PDE8B: variants seen among roughly 807,000 people sequenced by gnomAD.
PDE8B encodes the protein phosphodiesterase 8B, also known as high affinity cAMP-specific and IBMX-insensitive 3',5'-cyclic phosphodiesterase 8B.
PDE8B carries 26 observed loss-of-function variants against 101.3 expected under a neutral mutation model. The observed-to-expected ratio is 0.26, with a 90% confidence interval of 0.19 to 0.36. PDE8B has a LOEUF of 0.36. PDE8B is among the 10% of genes least tolerant of loss of function. The pLI is 1.00. For missense variants in PDE8B, 810 were observed against 1,163.1 expected (o/e 0.70, Z 4.42); for synonymous variants, 424 against 429.3 (o/e 0.99, Z 0.15).
At chr5:77,266,157 A>G (rs891043305) in intron 1 of PDE8B, among the ~76,000 whole-genome samples, 7 of 152,214 alleles carry the variant, frequency 4.6e-5, no homozygotes, top group African/African-American at 1.7e-4. Context: ...CTACTTGCTA[A>G]TGTTTGTTTA....
At chr5:77,346,016 A>C (rs1234080981) in intron 7 of PDE8B, among the ~76,000 whole-genome samples, 1 of 152,236 alleles carries the variant, frequency 6.6e-6, no homozygotes, top group African/African-American at 2.4e-5. Context: ...AAGGGTAGGC[A>C]AGAGACATCA....
chr5:77,140,907 C>CATGTACGTATATATACACATACAT, the PDE8B span: 2 of 152,082 alleles, frequency 1.3e-5, no homozygotes, highest in Non-Finnish European at 2.9e-5. Flanking sequence ...TATACATACA[C>CATGTACGTATATATACACATACAT]ATGTACGTAT....
At chr5:77,371,202 C>A (rs1785032343) in intron 10 of PDE8B, among the ~76,000 whole-genome samples, 1 of 152,150 alleles carries the variant, frequency 6.6e-6, no homozygotes, top group African/African-American at 2.4e-5. Context: ...TACCTACCCT[C>A]AAGTCAGGAA....
At chr5:77,308,362 C>G (rs1440633970) in intron 1 of PDE8B, among the ~76,000 whole-genome samples, 1 of 152,164 alleles carries the variant, frequency 6.6e-6, no homozygotes, top group Non-Finnish European at 1.5e-5. Flanking sequence ...GGTAGAGTGA[C>G]AACACGTGGG....
Position 77,210,935 on chromosome 5 carries a change from G to A in PDE8B, c.10G>A (p.Ala4Thr), listed in dbSNP as rs747059922. Residue 4 changes from alanine (A) to threonine (T), a missense_variant, in exon 1 of 22, where the codon GCC (alanine) becomes ACC (threonine). Around this residue, in one of 4 missense-constraint regions of PDE8B, gnomAD observed 159 missense variants for 146.6 expected, o/e 1.08. Transcript: ENST00000264917. This position sits in a 1 kb window ranked among gnomAD's most constrained non-coding sequence, Gnocchi z 4.9. ...GGAGCCCGGCCGAGGGATGGGCTGC[G>A]CCCCCAGCATCCATGTCTCGCAGAG... is the stretch of plus-strand genomic sequence containing the variant. Reference protein sequence around the residue: MGCAPSIHVSQSGV... With the variant: MGCTPSIHVSQSGV... 6.1e-6 allele frequency: 9 copies of A among 1,486,436 alleles called. No individual in the cohort carries two copies. The highest frequency in any genetic ancestry group is 2.1e-5 in the Admixed American group (1 of 46,690). The allele number at this position is 1,486,436 out of a possible 1,614,324, so 92.1% of individuals were successfully genotyped here.
chr5:77,202,615 G>T, the PDE8B span, among the ~76,000 whole-genome samples: 2 of 151,776 alleles, frequency 1.3e-5, no homozygotes, highest in East Asian at 3.9e-4. Context: ...AAGGCTTCTG[G>T]TCAATAGTAG....
intron 12 of PDE8B, among the ~76,000 whole-genome samples, chr5:77,407,159 G>C (rs1793637908): frequency 6.6e-6 from 1 of 152,100 alleles, no homozygotes; most frequent in South Asian, 2.1e-4. Context: ...GGCTCAGCAA[G>C]CCCTCCTGCC....
intron 5 of PDE8B, among the ~76,000 whole-genome samples, chr5:77,335,184 A>G (rs934805284): frequency 1.3e-5 from 2 of 152,218 alleles, no homozygotes; most frequent in African/African-American, 4.8e-5. Flanking sequence ...CAGTGTCGTG[A>G]TATACATACA....
chr5:77,149,658 T>C, the PDE8B span, among the ~76,000 whole-genome samples: 1 of 152,228 alleles, frequency 6.6e-6, no homozygotes, highest in Non-Finnish European at 1.5e-5. Context: ...GGGCTTGACA[T>C]TGCTGATATA....
the PDE8B span, chr5:77,145,706 C>T: frequency 1.3e-5 from 2 of 152,070 alleles, no homozygotes; most frequent in African/African-American, 2.4e-5. Context: ...TACTGGAGAC[C>T]CACAAAGTAT....
chr5:77,116,079 A>G, the PDE8B span, among the ~76,000 whole-genome samples: 3 of 151,978 alleles, frequency 2.0e-5, no homozygotes, highest in African/African-American at 7.2e-5. Context: ...AGATACAGCA[A>G]TGACGAACTT....
At chr5:77,273,249 G>GT (rs1763147408) in intron 1 of PDE8B, among the ~76,000 whole-genome samples, 1 of 151,888 alleles carries the variant, frequency 6.6e-6, no homozygotes. Flanking sequence ...ACATTGTATC[G>GT]TTTTTTATAG....
chr5:77,406,595 CG>C (rs1581529105), intron 12 of PDE8B, among the ~76,000 whole-genome samples: 1 of 152,064 alleles, frequency 6.6e-6, no homozygotes, highest in South Asian at 2.1e-4. Flanking sequence ...GCACTAGCAG[CG>C]GGGGGACCCC....
chr5:77,218,115 A>C (rs1005760985), intron 1 of PDE8B, among the ~76,000 whole-genome samples: 10 of 152,158 alleles, frequency 6.6e-5, no homozygotes, highest in Admixed American at 4.6e-4. Context: ...TCAAGGAACT[A>C]TTTTGCTTTT....
chr5:77,311,858 C>T (rs2150122166), intron 1 of PDE8B, 136 bp from the exon 2 acceptor site: 1 of 792,120 alleles, frequency 1.3e-6, no homozygotes. Flanking sequence ...TGCTTGGTAA[C>T]CCATCTCCAG....
At chr5:77,352,486 T>C (rs1407090761) in intron 9 of PDE8B, among the ~76,000 whole-genome samples, 1 of 152,276 alleles carries the variant, frequency 6.6e-6, no homozygotes, top group Non-Finnish European at 1.5e-5. Flanking sequence ...CAATTTCCAG[T>C]GTTATTTTCC....
intron 14 of PDE8B, among the ~76,000 whole-genome samples, chr5:77,410,022 G>A (rs561246169): frequency 6.1e-4 from 93 of 152,338 alleles, no homozygotes; most frequent in Middle Eastern, 3.4e-3. Context: ...CAGTGGGAGG[G>A]GTCTGGTTCT....
intron 1 of PDE8B, among the ~76,000 whole-genome samples, chr5:77,288,040 G>T (rs1766422470): frequency 6.6e-6 from 1 of 152,082 alleles, no homozygotes; most frequent in South Asian, 2.1e-4. Context: ...CTGAATGATG[G>T]CATATTCCCG....
chr5:77,324,246 A>G (rs58289324), intron 2 of PDE8B, among the ~76,000 whole-genome samples: 4,319 of 152,226 alleles, frequency 0.028, 196 homozygotes, highest in African/African-American at 0.096. Context: ...CATGTTATTC[A>G]TAGTAAAGCC....
Sources: allele counts gnomAD v4.1 joint callset (sites outside exome capture counted in the v4.1 genomes callset), GRCh38; gene constraint gnomAD v4.1.1; regional missense constraint gnomAD v4.1.1; non-coding constraint Gnocchi (gnomAD v3.1); transcripts MANE v1.5; gene names NCBI Gene and HGNC (gene_info 2026-07-23, HGNC 2026-07-21).